Variants in RWDD3 observed in about 807,000 individuals in gnomAD.
The protein encoded by RWDD3 is RWD domain-containing protein 3.
A neutral mutation model predicts 26.5 loss-of-function variants in RWDD3; 30 were observed. That is an observed-to-expected ratio of 1.13 (90% CI 0.85 to 1.54). The LOEUF is 1.54. Among genes scored for constraint, RWDD3 ranks in the 40% most tolerant of loss-of-function variants. The pLI is 0.00. For synonymous variants in RWDD3, 113 were observed against 114.5 expected, an observed-to-expected ratio of 0.99 and a Z score of 0.09; for missense variants, 296 against 309.1, an observed-to-expected ratio of 0.96 and a Z score of 0.32.
chr1:95,235,489 G>A (rs1274308216), intron 1 of RWDD3, among the ~76,000 whole-genome samples: 21 of 149,412 alleles, frequency 1.4e-4, no homozygotes, highest in Non-Finnish European at 2.4e-4. Context: ...CTCCCGAGTA[G>A]CTGGCACTAC....
rs1680883805 is a variant in RWDD3, at chr1:95,247,225, A to G, written c.*355A>G. On this transcript the variant is annotated 3_prime_UTR_variant, in exon 4 of 4. Coordinates refer to ENST00000370202, the MANE Select transcript of RWDD3 (RefSeq NM_015485.5). ...GTAATTAAATGATTTTTTAAAAAAG[A>G]TTTGTTTTCATGTTTGCTTTTCTTA... 6.4e-6 allele frequency: 1 copy of G among 157,026 alleles called. No homozygotes were observed. Among genetic ancestry groups the G allele is most frequent in the African/African-American group, 2.4e-5 (1 of 41,606 alleles). The allele number at this position is 157,026 out of a possible 1,614,324, so 9.7% of individuals were successfully genotyped here.
chr1:95,234,915 G>A (rs1207767784), intron 1 of RWDD3, among the ~76,000 whole-genome samples: 1 of 150,860 alleles, frequency 6.6e-6, no homozygotes, highest in Non-Finnish European at 1.5e-5. Flanking sequence ...TTTTTTTTAG[G>A]TGGAGTCTCT....
intron 1 of RWDD3, among the ~76,000 whole-genome samples, chr1:95,238,015 G>T (rs1680437220): frequency 6.6e-6 from 1 of 152,232 alleles, no homozygotes; most frequent in South Asian, 2.1e-4. Flanking sequence ...TCCCAAAGGG[G>T]AGTGTTTGTG....
chr1:95,234,216 G>T lies in RWDD3; in HGVS notation c.-15G>T. On this transcript the variant is annotated 5_prime_UTR_variant, in exon 1 of 4. Transcript: ENST00000370202. ...CAGCGGAAGGGGAAGCGCTGAGGCG[G>T]TGGGGCCCACAGCCATGGCGGAGCC... 6.3e-7 allele frequency: 1 copy of T among 1,575,536 alleles called. No homozygotes were observed. The highest frequency in any genetic ancestry group is 1.8e-5 in the Admixed American group (1 of 55,000).
intron 1 of RWDD3, among the ~76,000 whole-genome samples, chr1:95,239,475 GT>G (rs1043289749): frequency 2.0e-5 from 3 of 152,140 alleles, no homozygotes; most frequent in Non-Finnish European, 4.4e-5. Context: ...GAGAAAATGA[GT>G]TTTTAAAAGT....
chr1:95,245,477 G>C (rs1271907012), intron 2 of RWDD3, among the ~76,000 whole-genome samples: 1 of 152,146 alleles, frequency 6.6e-6, no homozygotes, highest in South Asian at 2.1e-4. Flanking sequence ...GACAAATTTA[G>C]TGTGAACAGT....
At chr1:95,235,220 G>C (rs1294459271) in intron 1 of RWDD3, among the ~76,000 whole-genome samples, 2 of 147,142 alleles carry the variant, frequency 1.4e-5, no homozygotes, top group Admixed American at 6.8e-5. Flanking sequence ...CTAATTTTTT[G>C]TATTTTTTTT....
Position 95,246,650 on chromosome 1 carries a change from C to G in RWDD3, c.682C>G (p.His228Asp). 1 of 1,600,770 alleles carries G rather than the reference C, an allele frequency of 6.2e-7. No individual in the cohort carries two copies. The highest frequency in any genetic ancestry group is 8.5e-7 in the Non-Finnish European group (1 of 1,170,118). Residue 228 changes from histidine to aspartate, a missense_variant, in exon 3 of 4, where the codon CAC becomes GAC. Physicochemically the swap from His to Asp is moderately conservative, Grantham distance 81. Coordinates refer to ENST00000370202, the MANE Select transcript of RWDD3 (RefSeq NM_015485.5). The part of the protein sequence containing the change: ...VLFETKVQTE[H>D]KRFLAFEVKE... ...GTTTGAAACAAAAGTACAGACAGAA[C>G]ACAAAAGGTATAATTTAGTACTATT...
At position 95,244,840 on chromosome 1, in the gene RWDD3, C is replaced by G. The variant is rs907567872; in HGVS notation, c.573+142C>G. 3.1e-6 allele frequency: 3 copies of G among 956,670 alleles called. No homozygotes were observed. The Admixed American group carries it at 8.9e-5, about 29-fold the overall frequency. 59.3% of individuals were successfully genotyped at this position (956,670 alleles called of 1,614,324 possible). ...ATTATTACAATCTTAATGGATCTTC[C>G]TTTTCTTTTTAAAGAATGTCTGACT... On this transcript the variant is annotated intron_variant, in intron 2 of 3. Transcript: ENST00000370202.
At chr1:95,242,610 A>AT (rs990138063) in intron 1 of RWDD3, among the ~76,000 whole-genome samples, 41 of 151,824 alleles carry the variant, frequency 2.7e-4, no homozygotes, top group African/African-American at 7.5e-4. Flanking sequence ...ACAATAAAGT[A>AT]TTTTTTTTTA....
chr1:95,236,172 A>C (rs2101094311), intron 1 of RWDD3, among the ~76,000 whole-genome samples: 1 of 152,178 alleles, frequency 6.6e-6, no homozygotes, highest in South Asian at 2.1e-4. Context: ...CTAAAAATAC[A>C]AAAATTAGCT....
intron 1 of RWDD3, among the ~76,000 whole-genome samples, chr1:95,240,287 C>T (rs1680558908): frequency 6.6e-6 from 1 of 152,162 alleles, no homozygotes. Flanking sequence ...AGCACAATTC[C>T]AAGAGCTGTA....
intron 1 of RWDD3, chr1:95,239,988 C>T (rs1479108452): frequency 4.8e-6 from 6 of 1,239,390 alleles, no homozygotes; most frequent in African/African-American, 1.5e-5. Flanking sequence ...TCAAAGTTTG[C>T]AGCATAGCAT....
In RWDD3 at chr1:95,234,221, G is replaced by C; in HGVS notation, c.-10G>C. The stretch of plus-strand genomic sequence containing the variant: ...GAAGGGGAAGCGCTGAGGCGGTGGG[G>C]CCCACAGCCATGGCGGAGCCTGTGC... On this transcript the variant is annotated 5_prime_UTR_variant, in exon 1 of 4. Transcript: ENST00000370202. 1 of 1,578,996 alleles carries C rather than the reference G, an allele frequency of 6.3e-7. No individual in the cohort carries two copies. Among genetic ancestry groups the C allele is most frequent in the Non-Finnish European group, 8.6e-7 (1 of 1,163,242 alleles).
intron 1 of RWDD3, among the ~76,000 whole-genome samples, chr1:95,235,460 AC>A (rs937376913): frequency 1.2e-4 from 13 of 110,570 alleles, no homozygotes; most frequent in Non-Finnish European, 1.8e-4. Flanking sequence ...CTGGGTTCAC[AC>A]CATTCTCCTG....
chr1:95,238,988 G>T (rs1486844703), intron 1 of RWDD3, among the ~76,000 whole-genome samples: 1 of 152,178 alleles, frequency 6.6e-6, no homozygotes, highest in Non-Finnish European at 1.5e-5. Context: ...AAGACAGAAT[G>T]ATTTGGTTAG....
chr1:95,242,006 G>T (rs1455906082), intron 1 of RWDD3, among the ~76,000 whole-genome samples: 1 of 152,122 alleles, frequency 6.6e-6, no homozygotes, highest in South Asian at 2.1e-4. Flanking sequence ...GAGGTAAAGA[G>T]GATTCGGCTG....
intron 1 of RWDD3, among the ~76,000 whole-genome samples, chr1:95,240,197 A>G (rs1033220084): frequency 1.3e-5 from 2 of 152,284 alleles, no homozygotes; most frequent in Admixed American, 1.3e-4. Flanking sequence ...GGGAAACAGA[A>G]TGTACACATC....
At chr1:95,243,763 T>C (rs528449978) in intron 1 of RWDD3, among the ~76,000 whole-genome samples, 55 of 152,378 alleles carry the variant, frequency 3.6e-4, no homozygotes, top group Middle Eastern at 3.4e-3. Flanking sequence ...TTGCTTGCTT[T>C]GACTTGGACT....
Sources: allele counts gnomAD v4.1 joint callset (sites outside exome capture counted in the v4.1 genomes callset), GRCh38; gene constraint gnomAD v4.1.1; transcripts MANE v1.5; gene names NCBI Gene and HGNC (gene_info 2026-07-23, HGNC 2026-07-21).